The following SAMD12 variants were observed in gnomAD, a reference collection of about 807,000 sequenced individuals.
SAMD12 encodes the protein sterile alpha motif domain-containing protein 12.
A neutral mutation model predicts 15.0 loss-of-function variants in SAMD12; 9 were observed. The ratio of observed to expected loss-of-function variants is 0.60; its 90% confidence interval spans 0.36 to 1.05. The LOEUF (loss-of-function observed/expected upper bound fraction) is 1.05. SAMD12 is among the 50% of genes least tolerant of loss of function. The probability of loss-of-function intolerance (pLI) is 0.01; values close to 1 mark genes in which losing one functional copy is unlikely to be tolerated. For missense variants in SAMD12, 230 were observed against 234.2 expected, an observed-to-expected ratio of 0.98 and a Z score of 0.12; for synonymous variants, 86 against 90.1, an observed-to-expected ratio of 0.96 and a Z score of 0.25.
At chr8:118,424,774 T>G (rs1366724935) in intron 3 of SAMD12, among the ~76,000 whole-genome samples, 1 of 152,068 alleles carries the variant, frequency 6.6e-6, no homozygotes, top group Admixed American at 6.6e-5. Context: ...CAATAACACA[T>G]GACATCAGGC....
At chr8:118,421,913 G>C (rs1822012995) in intron 3 of SAMD12, among the ~76,000 whole-genome samples, 1 of 152,126 alleles carries the variant, frequency 6.6e-6, no homozygotes, top group Non-Finnish European at 1.5e-5. Flanking sequence ...TGATATTCTG[G>C]GGCTTAGTGC....
chr8:118,590,487 G>A (rs1212599984), intron 1 of SAMD12, among the ~76,000 whole-genome samples: 2 of 152,174 alleles, frequency 1.3e-5, no homozygotes. Flanking sequence ...TCCTTCCTGC[G>A]ATTGTGTCAG....
the SAMD12 span, among the ~76,000 whole-genome samples, chr8:118,153,993 G>T: frequency 6.6e-6 from 1 of 151,526 alleles, no homozygotes; most frequent in Non-Finnish European, 1.5e-5. Context: ...CTTTTATTTG[G>T]ATTGCTGCAG....
chr8:118,167,474 A>G, the SAMD12 span, among the ~76,000 whole-genome samples: 1,772 of 152,242 alleles, frequency 0.012, 43 homozygotes, highest in African/African-American at 0.041. Context: ...GATCAAGAAA[A>G]CAATACCCCT....
intron 2 of SAMD12, among the ~76,000 whole-genome samples, chr8:118,501,909 C>A (rs1417789655): frequency 2.0e-5 from 3 of 150,666 alleles, no homozygotes; most frequent in African/African-American, 7.3e-5. Context: ...CCCAGCTACT[C>A]GGGAGGCTGA....
chr8:118,536,803 A>T (rs1825857267), intron 2 of SAMD12, among the ~76,000 whole-genome samples: 1 of 152,200 alleles, frequency 6.6e-6, no homozygotes, highest in Non-Finnish European at 1.5e-5. Context: ...ATGAGCTTAT[A>T]CACCACAATT....
At chr8:118,619,826 C>T (rs1828345922) in intron 1 of SAMD12, among the ~76,000 whole-genome samples, 1 of 151,934 alleles carries the variant, frequency 6.6e-6, no homozygotes, top group African/African-American at 2.4e-5. Context: ...GGACAGTTTC[C>T]CAGAGGAAGT....
chr8:118,256,944 ACTT>A (rs1812955494), intron 4 of SAMD12, among the ~76,000 whole-genome samples: 1 of 152,014 alleles, frequency 6.6e-6, no homozygotes, highest in South Asian at 2.1e-4. Flanking sequence ...GTTTTGCTAA[ACTT>A]CTGCATTCCT....
At chr8:118,305,460 C>A (rs1441355446) in intron 4 of SAMD12, among the ~76,000 whole-genome samples, 1 of 152,124 alleles carries the variant, frequency 6.6e-6, no homozygotes, top group African/African-American at 2.4e-5. Flanking sequence ...ATGAATCAGA[C>A]TTTTATTTCT....
the SAMD12 span, among the ~76,000 whole-genome samples, chr8:118,141,551 C>T: frequency 0.47 from 71,382 of 152,020 alleles, 17,053 homozygotes; most frequent in Middle Eastern, 0.56. Flanking sequence ...TTCCTGCTAA[C>T]AGTCTGATAT....
At chr8:118,174,099 C>A in the SAMD12 span, among the ~76,000 whole-genome samples, 1 of 152,174 alleles carries the variant, frequency 6.6e-6, no homozygotes, top group East Asian at 1.9e-4. Flanking sequence ...TTGGGGAAAT[C>A]ATGCAAGCTG....
At chr8:118,471,685 G>C (rs1201586128) in intron 2 of SAMD12, among the ~76,000 whole-genome samples, 1 of 152,170 alleles carries the variant, frequency 6.6e-6, no homozygotes, top group African/African-American at 2.4e-5. Context: ...TAGGATGTTT[G>C]GGTGTAGTGT....
chr8:118,193,831 AC>A (rs1249600681), exon 5 of SAMD12: 1 of 152,190 alleles, frequency 6.6e-6, no homozygotes, highest in African/African-American at 2.4e-5. Flanking sequence ...GTGAATGAAA[AC>A]AGCCTTAAAG....
intron 4 of SAMD12, among the ~76,000 whole-genome samples, chr8:118,346,639 AG>A (rs1397794419): frequency 1.5e-4 from 23 of 152,322 alleles, no homozygotes; most frequent in African/African-American, 5.1e-4. Flanking sequence ...GAGCAACCCC[AG>A]GTTCTGCGAT....
At chr8:118,198,109 G>A (rs1023424772) in intron 4 of SAMD12, among the ~76,000 whole-genome samples, 3 of 152,194 alleles carry the variant, frequency 2.0e-5, no homozygotes, top group African/African-American at 7.2e-5. Context: ...ATTGGGGATG[G>A]TGTGAAGCAT....
At chr8:118,337,958 G>A (rs1817165916) in intron 4 of SAMD12, among the ~76,000 whole-genome samples, 1 of 152,170 alleles carries the variant, frequency 6.6e-6, no homozygotes, top group African/African-American at 2.4e-5. Flanking sequence ...AGAAATTAAT[G>A]CATACTATAC....
At chr8:118,540,641 A>G (rs563449838) in intron 2 of SAMD12, among the ~76,000 whole-genome samples, 19 of 152,200 alleles carry the variant, frequency 1.2e-4, no homozygotes, top group African/African-American at 4.6e-4. Flanking sequence ...TGTTGCCACT[A>G]TTGATGTTAC....
At chr8:118,392,344 T>A (rs1402437338) in intron 3 of SAMD12, among the ~76,000 whole-genome samples, 1 of 152,130 alleles carries the variant, frequency 6.6e-6, no homozygotes, top group Non-Finnish European at 1.5e-5. Context: ...GGCAGGAGAA[T>A]CACTTGAACT....
At chr8:118,291,276 G>C (rs1315885356) in intron 4 of SAMD12, 3 of 152,196 alleles carry the variant, frequency 2.0e-5, no homozygotes, top group Non-Finnish European at 4.4e-5. Flanking sequence ...AAGGGAAAGA[G>C]AGTCCCCATC....
Sources: gnomAD v4.1 joint callset for allele counts (sites outside exome capture counted in the v4.1 genomes callset) on GRCh38, gnomAD v4.1.1 for gene constraint, MANE v1.5 for transcripts, NCBI Gene and HGNC (gene_info 2026-07-23, HGNC 2026-07-21) for gene names.